Variants in LINGO2 observed in about 807,000 individuals in gnomAD.
LINGO2 encodes the protein leucine rich repeat and Ig domain containing 2.
A neutral mutation model predicts 30.6 loss-of-function variants in LINGO2; 14 were observed. The ratio of observed to expected loss-of-function variants is 0.46; its 90% CI spans 0.30 to 0.72. The LOEUF is 0.72. Ranked by LOEUF, LINGO2 falls within the 30% of genes least tolerant of loss-of-function variation. The pLI, the probability that LINGO2 is intolerant of heterozygous loss-of-function variation, is 0.07. For missense variants in LINGO2, 729 were observed against 751.7 expected, an observed-to-expected ratio of 0.97 and a Z score of 0.35; for synonymous variants, 317 against 288.5, an observed-to-expected ratio of 1.10 and a Z score of -1.00.
chr9:28,056,445 T>G (rs1824945367), intron 4 of LINGO2, among the ~76,000 whole-genome samples: 1 of 152,162 alleles, frequency 6.6e-6, no homozygotes, highest in East Asian at 1.9e-4. Context: ...CAGCACTCTT[T>G]CCATGGGAAA....
At chr9:28,582,155 G>A (rs1297455930) in intron 1 of LINGO2, among the ~76,000 whole-genome samples, 2 of 151,954 alleles carry the variant, frequency 1.3e-5, no homozygotes, top group African/African-American at 4.8e-5. Flanking sequence ...GTGCTTAAAT[G>A]ACTTTGATGA....
chr9:28,521,359 C>A (rs992750382), intron 1 of LINGO2, among the ~76,000 whole-genome samples: 1 of 152,052 alleles, frequency 6.6e-6, no homozygotes, highest in South Asian at 2.1e-4. Context: ...CTCCAGGAGG[C>A]GACACCACTG....
At chr9:28,992,073 G>A in the LINGO2 span, among the ~76,000 whole-genome samples, 1 of 152,132 alleles carries the variant, frequency 6.6e-6, no homozygotes, top group Non-Finnish European at 1.5e-5. Context: ...AGACTGGCAA[G>A]TTGGATAAAG....
chr9:29,213,078 C>T, the LINGO2 span, among the ~76,000 whole-genome samples: 2 of 152,130 alleles, frequency 1.3e-5, no homozygotes, highest in South Asian at 4.1e-4. Flanking sequence ...CAAAAGCCCT[C>T]ACCATAGAGG....
chr9:28,364,619 A>G (rs2134527815), intron 3 of LINGO2, among the ~76,000 whole-genome samples: 1 of 152,314 alleles, frequency 6.6e-6, no homozygotes, highest in East Asian at 1.9e-4. Context: ...GTAATGTAAA[A>G]AGATAAGAAC....
chr9:28,013,158 C>G (rs1822645485), intron 4 of LINGO2, among the ~76,000 whole-genome samples: 1 of 152,158 alleles, frequency 6.6e-6, no homozygotes, highest in South Asian at 2.1e-4. Context: ...TAGTAACAAT[C>G]AGGATTTTAG....
intron 3 of LINGO2, among the ~76,000 whole-genome samples, chr9:28,358,349 A>G (rs2134491004): frequency 6.6e-6 from 1 of 152,282 alleles, no homozygotes; most frequent in Admixed American, 6.5e-5. Flanking sequence ...GATTCACCTC[A>G]GCCACTGAGC....
At chr9:29,090,821 T>C in the LINGO2 span, among the ~76,000 whole-genome samples, 9 of 152,106 alleles carry the variant, frequency 5.9e-5, no homozygotes, top group African/African-American at 1.7e-4. Flanking sequence ...AGATTATATA[T>C]TTGCTAAGTA....
At chr9:28,930,571 G>A in the LINGO2 span, among the ~76,000 whole-genome samples, 112,622 of 152,058 alleles carry the variant, frequency 0.74, 41,850 homozygotes, top group Non-Finnish European at 0.78. The surrounding 1 kb of genome is among the most constrained non-coding windows in gnomAD (Gnocchi z 4.2). Context: ...GATTTGACCC[G>A]ACCAGTTCTT....
At chr9:29,104,377 G>A in the LINGO2 span, among the ~76,000 whole-genome samples, 1 of 151,828 alleles carries the variant, frequency 6.6e-6, no homozygotes, top group African/African-American at 2.4e-5. Context: ...CTCCTGCTCT[G>A]CCATGGTAAG....
chr9:28,437,836 G>A (rs1402410187), intron 2 of LINGO2, among the ~76,000 whole-genome samples: 1 of 151,928 alleles, frequency 6.6e-6, no homozygotes, highest in East Asian at 1.9e-4. Context: ...TTTCAATGTA[G>A]CACAAAAAAA....
At chr9:28,359,348 C>G (rs1820354115) in intron 3 of LINGO2, among the ~76,000 whole-genome samples, 1 of 152,114 alleles carries the variant, frequency 6.6e-6, no homozygotes, top group African/African-American at 2.4e-5. Flanking sequence ...TTCTATACAG[C>G]ATAATTTCTG....
At chr9:28,844,316 C>A in the LINGO2 span, among the ~76,000 whole-genome samples, 77 of 151,866 alleles carry the variant, frequency 5.1e-4, no homozygotes, top group East Asian at 5.2e-3. Context: ...GAGCCAAGAT[C>A]ATGCCATTGC....
chr9:28,069,389 C>A (rs564559932), intron 4 of LINGO2, among the ~76,000 whole-genome samples: 4 of 152,146 alleles, frequency 2.6e-5, no homozygotes, highest in Non-Finnish European at 5.9e-5. Context: ...CTGAAGGAGG[C>A]AAGAGAAAGG....
At chr9:28,411,895 G>A (rs1215216085) in intron 2 of LINGO2, among the ~76,000 whole-genome samples, 1 of 151,954 alleles carries the variant, frequency 6.6e-6, no homozygotes, top group Non-Finnish European at 1.5e-5. Flanking sequence ...AGTGTACAAA[G>A]TTTCAAATTT....
chr9:28,663,096 T>C (rs1351668115), intron 1 of LINGO2, among the ~76,000 whole-genome samples: 2 of 152,126 alleles, frequency 1.3e-5, no homozygotes, highest in African/African-American at 4.8e-5. Flanking sequence ...AAAAGTCATC[T>C]AAATTCATTT....
At chr9:29,184,952 C>A in the LINGO2 span, among the ~76,000 whole-genome samples, 3 of 152,084 alleles carry the variant, frequency 2.0e-5, no homozygotes, top group Non-Finnish European at 4.4e-5. Context: ...CACAAACCAC[C>A]CCCAAAACAC....
rs146517868 is a variant in LINGO2, at chr9:27,961,263, T to C, written c.-35-10557A>G. 3.0e-3 allele frequency among the ~76,000 whole-genome samples: 452 copies of C among 152,294 alleles called. 3 individuals are homozygous for C. Among genetic ancestry groups the C allele is most frequent in the African/African-American group, 9.8e-3 (407 of 41,582 alleles). The stretch of plus-strand genomic sequence containing the variant: ...ATATCTTCAACTTGTAATAGGTTCA[T>C]TGGGATGTGACCCCATCATAAGTCA... On this transcript the variant is annotated intron_variant, in intron 5 of 5. Transcript: ENST00000379992.
chr9:28,049,700 T>TA (rs1824585101), intron 4 of LINGO2, among the ~76,000 whole-genome samples: 2 of 150,694 alleles, frequency 1.3e-5, no homozygotes, highest in African/African-American at 4.9e-5. Flanking sequence ...GGAGGCATTA[T>TA]AATGCCTGAT....
Sources: gnomAD v4.1 joint callset for allele counts (sites outside exome capture counted in the v4.1 genomes callset) on GRCh38, gnomAD v4.1.1 for gene constraint, Gnocchi (gnomAD v3.1) non-coding constraint, MANE v1.5 for transcripts, NCBI Gene and HGNC (gene_info 2026-07-23, HGNC 2026-07-21) for gene names.